The following PLCL1 variants were observed in gnomAD, a reference collection of about 807,000 sequenced individuals.
PLCL1 encodes the protein phospholipase C like 1 (inactive).
Under a neutral mutation model 84.4 loss-of-function variants are expected in PLCL1, and 41 were observed. That is an observed-to-expected ratio of 0.49 (90% CI 0.38 to 0.63). PLCL1 has a LOEUF of 0.63. PLCL1 is among the 30% of genes least tolerant of loss of function. The probability of loss-of-function intolerance (pLI) is 0.00; values close to 1 mark genes in which losing one functional copy is unlikely to be tolerated. For missense variants in PLCL1, 1,206 were observed against 1,367.8 expected (o/e 0.88, Z 1.87); for synonymous variants, 490 against 488.3 (o/e 1.00, Z -0.05).
At chr2:198,026,518 G>T (rs983591538) in intron 1 of PLCL1, among the ~76,000 whole-genome samples, 1 of 152,046 alleles carries the variant, frequency 6.6e-6, no homozygotes, top group Non-Finnish European at 1.5e-5. Context: ...TGCCTATCAT[G>T]GATTGAAGAC....
intron 1 of PLCL1, among the ~76,000 whole-genome samples, chr2:197,851,360 A>T (rs1301539270): frequency 2.0e-5 from 3 of 152,242 alleles, no homozygotes; most frequent in Non-Finnish European, 4.4e-5. Context: ...GCATTTTAGT[A>T]ATTACGTAGC....
chr2:197,879,821 T>G (rs1339304188), intron 1 of PLCL1, among the ~76,000 whole-genome samples: 1 of 152,118 alleles, frequency 6.6e-6, no homozygotes, highest in South Asian at 2.1e-4. Context: ...CTAAGGTCTT[T>G]GGAAGCCATT....
At chr2:198,059,255 T>C (rs1424509781) in intron 1 of PLCL1, among the ~76,000 whole-genome samples, 2 of 152,236 alleles carry the variant, frequency 1.3e-5, no homozygotes, top group Admixed American at 1.3e-4. Context: ...GACAAAATTC[T>C]CTTTCTGATT....
At chr2:197,831,084 T>C (rs1029694405) in intron 1 of PLCL1, among the ~76,000 whole-genome samples, 2 of 152,050 alleles carry the variant, frequency 1.3e-5, no homozygotes, top group Non-Finnish European at 2.9e-5. Flanking sequence ...TAAAGACCAT[T>C]GACACTATAA....
At chr2:197,818,369 C>G (rs1199843248) in intron 1 of PLCL1, among the ~76,000 whole-genome samples, 1 of 152,116 alleles carries the variant, frequency 6.6e-6, no homozygotes, top group East Asian at 1.9e-4. Flanking sequence ...ACCCTTTTCC[C>G]CAGGCTGAGT....
At chr2:197,952,765 T>C (rs1177811391) in intron 1 of PLCL1, among the ~76,000 whole-genome samples, 1 of 152,078 alleles carries the variant, frequency 6.6e-6, no homozygotes. Flanking sequence ...CTTGTGGTAG[T>C]GAATAAGTCT....
At chr2:198,042,916 A>G (rs10189006) in intron 1 of PLCL1, among the ~76,000 whole-genome samples, 2,450 of 152,324 alleles carry the variant, frequency 0.016, 60 homozygotes, top group African/African-American at 0.056. Flanking sequence ...TGTCATCATC[A>G]GTATCCAATG....
intron 1 of PLCL1, among the ~76,000 whole-genome samples, chr2:198,014,921 T>A (rs59441945): frequency 0.23 from 35,214 of 152,014 alleles, 4,243 homozygotes; most frequent in African/African-American, 0.3. Flanking sequence ...TTTCCCCCCA[T>A]ATATTTTTGA....
chr2:198,133,041 A>G (rs1325646937), intron 5 of PLCL1, among the ~76,000 whole-genome samples: 1 of 151,590 alleles, frequency 6.6e-6, no homozygotes, highest in African/African-American at 2.4e-5. Context: ...TCAGCTTTCT[A>G]CATATGGCTA....
At chr2:197,818,727 CT>C (rs1439356892) in intron 1 of PLCL1, among the ~76,000 whole-genome samples, 2 of 152,018 alleles carry the variant, frequency 1.3e-5, no homozygotes, top group Non-Finnish European at 2.9e-5. Context: ...TAACTGTCTC[CT>C]TCTCCACCAA....
At chr2:197,938,092 A>G (rs762231813) in intron 1 of PLCL1, among the ~76,000 whole-genome samples, 6 of 152,190 alleles carry the variant, frequency 3.9e-5, no homozygotes, top group Non-Finnish European at 7.4e-5. Context: ...TTACAAGTTT[A>G]AATTTCTTAA....
chr2:198,128,125 G>A (rs1162708979), intron 5 of PLCL1, among the ~76,000 whole-genome samples: 1 of 152,060 alleles, frequency 6.6e-6, no homozygotes, highest in East Asian at 1.9e-4. Context: ...CAGCCTAACT[G>A]CATTTATATT....
At chr2:197,828,879 T>C (rs903293624) in intron 1 of PLCL1, among the ~76,000 whole-genome samples, 1 of 152,196 alleles carries the variant, frequency 6.6e-6, no homozygotes, top group Admixed American at 6.5e-5. Context: ...GGAATCCTCT[T>C]GAATCCATTG....
chr2:198,147,201 A>G lies in PLCL1; in HGVS notation c.*239A>G. 6.0e-6 allele frequency: 1 copy of G among 167,122 alleles called. No individual in the cohort carries two copies. The highest frequency in any genetic ancestry group is 1.0e-5 in the Non-Finnish European group (1 of 98,490). The allele number at this position is 167,122 out of a possible 1,614,324, so 10.4% of individuals were successfully genotyped here. A position where few individuals can be genotyped will look rare whatever the true frequency, so the allele number is the denominator to read the frequency against. On this transcript the variant is annotated 3_prime_UTR_variant, in exon 6 of 6. Transcript: ENST00000428675. ...ACACCCCTGTGTGGATGCCTGTGGA[A>G]GAGTGTGTGTGTGTGTGTGTGTGTG...
chr2:197,905,424 A>G (rs1311887639), intron 1 of PLCL1, among the ~76,000 whole-genome samples: 1 of 152,130 alleles, frequency 6.6e-6, no homozygotes, highest in Non-Finnish European at 1.5e-5. Context: ...AAGGACATGA[A>G]CTCATTCTTT....
At chr2:198,099,082 G>C (rs1483611210) in intron 3 of PLCL1, among the ~76,000 whole-genome samples, 3 of 152,118 alleles carry the variant, frequency 2.0e-5, no homozygotes, top group African/African-American at 7.2e-5. Context: ...ACTACAACAG[G>C]CAAAGGCAAC....
At chr2:197,997,916 TG>T (rs1484926708) in intron 1 of PLCL1, among the ~76,000 whole-genome samples, 3 of 152,158 alleles carry the variant, frequency 2.0e-5, no homozygotes, top group East Asian at 1.9e-4. Flanking sequence ...CACTTTAGAT[TG>T]AGGATTATTG....
chr2:198,057,807 A>G (rs1241171736), intron 1 of PLCL1, among the ~76,000 whole-genome samples: 1 of 152,204 alleles, frequency 6.6e-6, no homozygotes, highest in African/African-American at 2.4e-5. Flanking sequence ...ACTAGACCTG[A>G]TTTTGAAAGA....
At chr2:198,030,504 C>A (rs1427315428) in intron 1 of PLCL1, among the ~76,000 whole-genome samples, 1 of 152,110 alleles carries the variant, frequency 6.6e-6, no homozygotes, top group African/African-American at 2.4e-5. Context: ...TTTTTACGAG[C>A]CTTCCCCTCT....
Sources: gnomAD v4.1 joint callset for allele counts (sites outside exome capture counted in the v4.1 genomes callset) on GRCh38, gnomAD v4.1.1 for gene constraint, MANE v1.5 for transcripts, NCBI Gene and HGNC (gene_info 2026-07-23, HGNC 2026-07-21) for gene names.